NHSL1: variants seen among roughly 807,000 people sequenced by gnomAD.
NHSL1 encodes the protein NHS like 1.
NHSL1 carries 48 observed loss-of-function variants against 95.0 expected under a neutral mutation model. The observed-to-expected ratio is 0.51, with a 90% CI of 0.40 to 0.64. The LOEUF (loss-of-function observed/expected upper bound fraction) is 0.64. Ranked by LOEUF, NHSL1 falls within the 30% of genes least tolerant of loss-of-function variation. The pLI is 0.00. For missense variants in NHSL1, 1,971 were observed against 2,077.7 expected, an observed-to-expected ratio of 0.95 and a Z score of 1.00; for synonymous variants, 783 against 833.9, an observed-to-expected ratio of 0.94 and a Z score of 1.05.
chr6:138,572,660 G>C (rs1562378596), upstream of NHSL1: 1 of 152,224 alleles, frequency 6.6e-6, no homozygotes, highest in African/African-American at 2.4e-5. Flanking sequence ...CACCTCATTG[G>C]AGACAGAAAA....
At chr6:138,491,994 A>G (rs1485886818) in intron 2 of NHSL1, among the ~76,000 whole-genome samples, 1 of 152,250 alleles carries the variant, frequency 6.6e-6, no homozygotes, top group African/African-American at 2.4e-5. Context: ...TTAGCAGTGA[A>G]TCATTACCTA....
intron 3 of NHSL1, among the ~76,000 whole-genome samples, chr6:138,457,538 T>C (rs1777696279): frequency 6.6e-6 from 1 of 152,226 alleles, no homozygotes; most frequent in Non-Finnish European, 1.5e-5. Flanking sequence ...AAGCACATAA[T>C]GGATTTTTAA....
At chr6:138,479,120 C>T (rs575464772) in intron 2 of NHSL1, among the ~76,000 whole-genome samples, 66 of 152,262 alleles carry the variant, frequency 4.3e-4, no homozygotes, top group African/African-American at 1.5e-3. Context: ...GTACCAAATC[C>T]TATCTATTGC....
intron 2 of NHSL1, among the ~76,000 whole-genome samples, chr6:138,477,195 G>C (rs1275156727): frequency 6.6e-6 from 1 of 151,996 alleles, no homozygotes; most frequent in Non-Finnish European, 1.5e-5. Flanking sequence ...TGTAATTCAG[G>C]GTTTTGAAAT....
intron 3 of NHSL1, among the ~76,000 whole-genome samples, chr6:138,455,520 AAGGAGCCCCG>A (rs1384674347): frequency 1.3e-5 from 1 of 78,906 alleles, no homozygotes; most frequent in African/African-American, 6.3e-5. Context: ...TGCTCCCTGC[AAGGAGCCCCG>A]CCTTCACATG....
At position 138,424,206 on chromosome 6, in the gene NHSL1, G is replaced by A. The variant is rs914762716; in HGVS notation, c.4696C>T (p.Leu1566Phe). ...AREEMDEGGL[L>F]CGEGPAASLQ... Reference sequence around the variant, plus strand: ...GAGGCGGCAGGCCCCTCCCCACAGAGCAGGCCGCCCTCGTCCATCTCCTCC... The same window carrying A: ...GAGGCGGCAGGCCCCTCCCCACAGAACAGGCCGCCCTCGTCCATCTCCTCC... Residue 1566 changes from leucine to phenylalanine, a missense_variant, in exon 8 of 8, where the codon CTC becomes TTC. Around this residue, in one of 3 missense-constraint regions of NHSL1, gnomAD observed 223 missense variants for 217.0 expected, o/e 1.03. Transcript: ENST00000343505. The surrounding 1 kb of genome is among the most constrained non-coding windows in gnomAD (Gnocchi z 5.9). 59 of 1,499,304 alleles carry A rather than the reference G, an allele frequency of 3.9e-5. No individual in the cohort carries two copies. The highest frequency in any genetic ancestry group is 5.0e-5 in the Non-Finnish European group (56 of 1,127,150). 92.9% of individuals were successfully genotyped at this position (1,499,304 alleles called of 1,614,324 possible). A position where few individuals can be genotyped will look rare whatever the true frequency, so the allele number is the denominator to read the frequency against.
intron 1 of NHSL1, among the ~76,000 whole-genome samples, chr6:138,595,757 A>G (rs1372144735): frequency 6.6e-6 from 1 of 152,226 alleles, no homozygotes; most frequent in Non-Finnish European, 1.5e-5. Context: ...CACAGCATAC[A>G]GGTGAAGTTG....
At chr6:138,486,223 A>G (rs1779721177) in intron 2 of NHSL1, among the ~76,000 whole-genome samples, 1 of 151,950 alleles carries the variant, frequency 6.6e-6, no homozygotes, top group Non-Finnish European at 1.5e-5. Flanking sequence ...ATGTAATAAT[A>G]TCAGCTGTAC....
In NHSL1 at chr6:138,577,687, AG is replaced by A. The variant is rs1490961904; in HGVS notation, c.97-81317del. ...ACCCAGACAACCCACAGGGACCTTT[AG>A]CTTAGGACAGCGTACAGTAGGTTTT... On this transcript the variant is annotated intron_variant, in intron 1 of 3. Coordinates refer to the NHSL1 transcript ENST00000491526. 9.4e-4 allele frequency among the ~76,000 whole-genome samples: 143 copies of A among 152,330 alleles called. 1 individual carries two copies. The highest frequency in any genetic ancestry group is 3.2e-3 in the African/African-American group (135 of 41,570).
intron 1 of NHSL1, among the ~76,000 whole-genome samples, chr6:138,649,694 AAG>A (rs1198506454): frequency 1.3e-5 from 2 of 152,218 alleles, no homozygotes; most frequent in Non-Finnish European, 2.9e-5. Flanking sequence ...CTCATATAAA[AAG>A]AGTAGTGTTG....
chr6:138,448,160 A>T (rs1020613224), intron 3 of NHSL1, among the ~76,000 whole-genome samples: 3 of 152,156 alleles, frequency 2.0e-5, no homozygotes, highest in African/African-American at 7.2e-5. Context: ...CTTTCCCATA[A>T]CACCTTAAAA....
chr6:138,678,268 C>T (rs1258667092), intron 1 of NHSL1, among the ~76,000 whole-genome samples: 2 of 152,154 alleles, frequency 1.3e-5, no homozygotes, highest in African/African-American at 2.4e-5. Flanking sequence ...TCTTCTGACA[C>T]TGATCATGAA....
intron 1 of NHSL1, among the ~76,000 whole-genome samples, chr6:138,518,838 T>C (rs1422812563): frequency 6.6e-6 from 1 of 152,024 alleles, no homozygotes; most frequent in Non-Finnish European, 1.5e-5. Context: ...GCCAACGTGG[T>C]GAAACCCCGT....
upstream of NHSL1, among the ~76,000 whole-genome samples, chr6:138,693,015 G>A (rs1301668403): frequency 6.6e-6 from 1 of 151,260 alleles, no homozygotes; most frequent in Non-Finnish European, 1.5e-5. The surrounding 1 kb of genome is among the most constrained non-coding windows in gnomAD (Gnocchi z 4.3). Context: ...GGCGCCCGGC[G>A]GCGTTCCTCC....
intron 1 of NHSL1, among the ~76,000 whole-genome samples, chr6:138,517,798 T>A (rs545516998): frequency 2.0e-5 from 3 of 152,196 alleles, no homozygotes; most frequent in African/African-American, 7.2e-5. Context: ...CCTACACTTG[T>A]GGAGCCACTG....
intron 1 of NHSL1, among the ~76,000 whole-genome samples, chr6:138,541,239 T>C (rs1030467246): frequency 6.6e-6 from 1 of 152,074 alleles, no homozygotes; most frequent in Non-Finnish European, 1.5e-5. Context: ...AGGTGGTGTA[T>C]GCCTGTAGTC....
At chr6:138,640,984 G>C (rs1459209539) in intron 1 of NHSL1, among the ~76,000 whole-genome samples, 1 of 152,140 alleles carries the variant, frequency 6.6e-6, no homozygotes, top group Non-Finnish European at 1.5e-5. Context: ...TTGTAGACTT[G>C]GTCAAAAGCA....
At chr6:138,476,503 G>A (rs186188013) in intron 2 of NHSL1, among the ~76,000 whole-genome samples, 5 of 152,176 alleles carry the variant, frequency 3.3e-5, no homozygotes, top group Non-Finnish European at 7.4e-5. Context: ...CCAAAGGGAG[G>A]GAGGATGGAA....
At chr6:138,539,361 T>C (rs1465318856) in intron 1 of NHSL1, among the ~76,000 whole-genome samples, 1 of 152,138 alleles carries the variant, frequency 6.6e-6, no homozygotes, top group Admixed American at 6.5e-5. Flanking sequence ...CACAGAAAAA[T>C]ACATACCCCT....
Sources: gnomAD v4.1 joint callset for allele counts (sites outside exome capture counted in the v4.1 genomes callset) on GRCh38, gnomAD v4.1.1 for gene constraint, gnomAD v4.1.1 regional missense constraint, Gnocchi (gnomAD v3.1) non-coding constraint, MANE v1.5 for transcripts, NCBI Gene and HGNC (gene_info 2026-07-23, HGNC 2026-07-21) for gene names.